The following SLC20A1 variants were observed in gnomAD, a reference collection of about 807,000 sequenced individuals.
SLC20A1 encodes sodium-dependent phosphate transporter 1.
Under a neutral mutation model 62.7 loss-of-function variants are expected in SLC20A1, and 28 were observed. The ratio of observed to expected loss-of-function variants is 0.45; its 90% CI spans 0.33 to 0.61. The LOEUF (loss-of-function observed/expected upper bound fraction) is 0.61. SLC20A1 is among the 20% of genes least tolerant of loss of function. SLC20A1 has a pLI of 0.02. For synonymous variants in SLC20A1, 305 were observed against 302.9 expected, an observed-to-expected ratio of 1.01 and a Z score of -0.07; for missense variants, 673 against 838.6, an observed-to-expected ratio of 0.80 and a Z score of 2.44.
chr2:112,657,650 C>T (rs77710513), intron 6 of SLC20A1, among the ~76,000 whole-genome samples: 5,948 of 152,120 alleles, frequency 0.039, 147 homozygotes, highest in African/African-American at 0.069. Flanking sequence ...AAATATTTAC[C>T]CCAACTGCTT....
At chr2:112,653,734 C>G (rs1306872078) in intron 5 of SLC20A1, among the ~76,000 whole-genome samples, 1 of 151,588 alleles carries the variant, frequency 6.6e-6, no homozygotes, top group Non-Finnish European at 1.5e-5. Context: ...GTGACTTGCT[C>G]TTAAACCTCA....
At position 112,659,744 on chromosome 2, in the gene SLC20A1, A is replaced by T; in HGVS notation, c.1589A>T (p.His530Leu). ...ILTACFGSFA[H>L]GGNDVSNAIG... ...ACAGCCTGCTTTGGGTCATTCGCCC[A>T]TGGTGGCAATGACGTAAGGTCAGTT... is the stretch of plus-strand genomic sequence containing the variant. The change falls in exon 8 of 11, where the codon CAT becomes CTT. Residue 530 changes from histidine (H) to leucine (L), a missense_variant. Transcript: ENST00000272542. 6.2e-7 allele frequency: 1 copy of T among 1,612,974 alleles called. No homozygotes were observed. Among genetic ancestry groups the T allele is most frequent in the Non-Finnish European group, 8.5e-7 (1 of 1,179,164 alleles).
chr2:112,661,546 A>G (rs1215764877), intron 10 of SLC20A1, among the ~76,000 whole-genome samples: 1 of 150,766 alleles, frequency 6.6e-6, no homozygotes, highest in Non-Finnish European at 1.5e-5. Flanking sequence ...TGGCACCATT[A>G]TGTTTTATTT....
intron 4 of SLC20A1, chr2:112,652,359 C>G (rs368335895): frequency 3.8e-5 from 10 of 262,946 alleles, no homozygotes; most frequent in African/African-American, 1.3e-4. Context: ...CTCTTACAAA[C>G]GTAGAGTATA....
intron 8 of SLC20A1, 51 bp from the exon 9 acceptor site, chr2:112,660,336 A>G (rs1686713570): frequency 1.3e-6 from 2 of 1,533,372 alleles, no homozygotes; most frequent in Non-Finnish European, 8.9e-7. Context: ...GGGTCTTGCC[A>G]AGATCTAGTT....
intron 3 of SLC20A1, 47 bp downstream of exon 3, chr2:112,647,511 G>C (rs1686316017): frequency 1.2e-6 from 2 of 1,602,948 alleles, no homozygotes; most frequent in Admixed American, 1.7e-5. Flanking sequence ...TTCGTCATAT[G>C]TTACCATGGC....
At chr2:112,649,139 C>A (rs958063428) in intron 4 of SLC20A1, among the ~76,000 whole-genome samples, 3 of 152,216 alleles carry the variant, frequency 2.0e-5, no homozygotes, top group Non-Finnish European at 2.9e-5. Context: ...CTCTGAGGTG[C>A]AAAGAGGGAT....
rs1371694827 is a variant in SLC20A1 at position 112,658,901 on chromosome 2, A to C, written c.855A>C (p.Thr285=). ...KNSLKEDHEE[T]KLSVGDIENK... is the part of the protein sequence containing the mutation. ...GCTTGAAAGAAGACCATGAAGAAAC[A>C]AAGTTGTCTGTTGGTGATATTGAAA... is the stretch of plus-strand genomic sequence containing the variant. Residue 285 remains threonine (T), a synonymous_variant, in exon 7 of 11, where the codon ACA becomes ACC. Coordinates refer to ENST00000272542, the MANE Select transcript of SLC20A1 (RefSeq NM_005415.5). The C allele has an allele frequency of 6.2e-7, 1 of 1,614,084 alleles. No individual in the cohort carries two copies. The highest frequency in any genetic ancestry group is 2.2e-5 in the East Asian group (1 of 44,906).
intron 6 of SLC20A1, among the ~76,000 whole-genome samples, chr2:112,657,587 G>C (rs2312699): frequency 0.79 from 120,441 of 152,096 alleles, 48,422 homozygotes; most frequent in East Asian, 1. Flanking sequence ...CTGAGAAGTA[G>C]AAGGATACCT....
In SLC20A1 at chr2:112,647,074, C is replaced by T. The variant is rs1221057288; in HGVS notation, c.246C>T (p.Ser82=). Residue 82 remains serine (S), a synonymous_variant, in exon 2 of 11, where the codon AGC becomes AGT. Coordinates refer to ENST00000272542, the MANE Select transcript of SLC20A1 (RefSeq NM_005415.5). ...CTGTCTTACTGGGGGCCAAAGTGAG[C>T]GAAACCATCCGGAAGGGCTTGATTG... ...VGSVLLGAKV[S]ETIRKGLIDV... 2.5e-6 allele frequency: 4 copies of T among 1,614,092 alleles called. No homozygotes were observed. The highest frequency in any genetic ancestry group is 3.4e-6 in the Non-Finnish European group (4 of 1,180,034).
intron 9 of SLC20A1, 64 bp downstream of exon 9, chr2:112,660,636 C>G: frequency 7.4e-7 from 1 of 1,355,970 alleles, no homozygotes; most frequent in Non-Finnish European, 1.0e-6. Context: ...ATAACACTGT[C>G]GAGTGCTAAC....
intron 9 of SLC20A1, 198 bp from the exon 10 acceptor site, chr2:112,660,944 A>G (rs929213576): frequency 3.9e-6 from 2 of 514,164 alleles, no homozygotes; most frequent in East Asian, 5.8e-5. Context: ...GTAAAACTGG[A>G]AGCCTTTGAA....
intron 4 of SLC20A1, among the ~76,000 whole-genome samples, chr2:112,649,707 G>A (rs1160212701): frequency 2.6e-5 from 4 of 152,184 alleles, no homozygotes; most frequent in Non-Finnish European, 5.9e-5. Context: ...GAAGGAATAT[G>A]CTTCAGTGCT....
intron 10 of SLC20A1, among the ~76,000 whole-genome samples, chr2:112,661,659 G>C (rs984129761): frequency 1.3e-5 from 2 of 151,962 alleles, no homozygotes; most frequent in African/African-American, 4.8e-5. Context: ...AGTGATTCTT[G>C]TGCTTCAGCC....
At chr2:112,653,068 C>T in intron 5 of SLC20A1, 1 of 671,650 alleles carries the variant, frequency 1.5e-6, no homozygotes, top group Non-Finnish European at 2.5e-6. Context: ...ATCTCCTTCC[C>T]TTTCTCCTGT....
At chr2:112,650,304 G>A (rs926989404) in intron 4 of SLC20A1, among the ~76,000 whole-genome samples, 1 of 151,018 alleles carries the variant, frequency 6.6e-6, no homozygotes, top group Non-Finnish European at 1.5e-5. Flanking sequence ...ATTTTTGGGG[G>A]TGGGAGTCTT....
intron 4 of SLC20A1, among the ~76,000 whole-genome samples, chr2:112,651,192 C>T (rs1250502345): frequency 2.0e-5 from 3 of 152,110 alleles, no homozygotes; most frequent in Admixed American, 1.3e-4. Context: ...CTTTACTTTA[C>T]ACATGGGTCT....
chr2:112,655,970 G>T (rs1336062979), intron 5 of SLC20A1, among the ~76,000 whole-genome samples: 2 of 152,098 alleles, frequency 1.3e-5, no homozygotes, highest in Non-Finnish European at 2.9e-5. Flanking sequence ...CAAAGTGCTG[G>T]GATTACAGGT....
Position 112,663,329 on chromosome 2 carries a change from ATGT to A in SLC20A1, c.*308_*310del. Reference sequence around the variant, plus strand: ...CAGGCTTCAATTCCATTATGTTTTAATGTTGTCTCTGAAGATGACTTGTGATTT... The same window carrying A: ...CAGGCTTCAATTCCATTATGTTTTAATGTCTCTGAAGATGACTTGTGATTT... On this transcript the variant is annotated 3_prime_UTR_variant, in exon 11 of 11. Transcript: ENST00000272542. 2 of 399,924 alleles carry A rather than the reference ATGT, an allele frequency of 5.0e-6. No individual in the cohort carries two copies. The highest frequency in any genetic ancestry group is 9.7e-6 in the Non-Finnish European group (2 of 205,414). The allele number at this position is 399,924 out of a possible 1,614,324, so 24.8% of individuals were successfully genotyped here. A position where few individuals can be genotyped will look rare whatever the true frequency, so the allele number is the denominator to read the frequency against.
Sources: allele counts gnomAD v4.1 joint callset (sites outside exome capture counted in the v4.1 genomes callset), GRCh38; gene constraint gnomAD v4.1.1; transcripts MANE v1.5; gene names NCBI Gene and HGNC (gene_info 2026-07-23, HGNC 2026-07-21).